Variants in MTMR3 observed in about 807,000 individuals in gnomAD.
MTMR3 encodes the protein myotubularin related protein 3, also known as phosphatidylinositol-3,5-bisphosphate 3-phosphatase MTMR3.
In MTMR3, 32 loss-of-function variants were observed where a neutral mutation model predicts 132.4. The ratio of observed to expected loss-of-function variants is 0.24; its 90% CI spans 0.18 to 0.32. The LOEUF is 0.32. Ranked by LOEUF, MTMR3 falls within the 10% of genes least tolerant of loss-of-function variation. The pLI is 1.00. For missense variants in MTMR3, 1,216 were observed against 1,489.6 expected, an observed-to-expected ratio of 0.82 and a Z score of 3.02; for synonymous variants, 556 against 550.3, an observed-to-expected ratio of 1.01 and a Z score of -0.14.
At chr22:30,008,303 C>T (rs1328917242) in intron 11 of MTMR3, 3 of 319,126 alleles carry the variant, frequency 9.4e-6, no homozygotes, top group African/African-American at 6.5e-5. Flanking sequence ...CATAATAAGA[C>T]CTGTTCATGT....
rs889419824 is a variant in MTMR3, at chr22:29,930,313, A to C, written c.-137-26723A>C. On this transcript the variant is annotated intron_variant, in intron 1 of 19. Coordinates refer to ENST00000401950, the MANE Select transcript of MTMR3 (RefSeq NM_021090.4). The stretch of plus-strand genomic sequence containing the variant: ...TCAGTGAACCACTGATCATATCTCC[A>C]TCACTATAGGTTAGTTTTGCCTCTT... 2.0e-5 allele frequency among the ~76,000 whole-genome samples: 3 copies of C among 152,166 alleles called. No individual in the cohort carries two copies. The East Asian group carries it at 5.8e-4, about 29-fold the overall frequency.
At chr22:29,903,518 G>T (rs2065040280) in intron 1 of MTMR3, among the ~76,000 whole-genome samples, 1 of 151,002 alleles carries the variant, frequency 6.6e-6, no homozygotes, top group Non-Finnish European at 1.5e-5. Context: ...CCTCCCGGGT[G>T]CTGGGACTGT....
intron 6 of MTMR3, chr22:29,989,062 A>G (rs1307385301): frequency 6.6e-6 from 1 of 152,422 alleles, no homozygotes; most frequent in Non-Finnish European, 1.5e-5. Context: ...CCAGTCTACT[A>G]TACATGTTCC....
intron 1 of MTMR3, among the ~76,000 whole-genome samples, chr22:29,902,105 C>T (rs978209893): frequency 2.0e-5 from 3 of 151,980 alleles, no homozygotes; most frequent in African/African-American, 7.3e-5. Flanking sequence ...ATTAGAGAAC[C>T]TGAAAAAGCT....
chr22:30,024,659 C>T (rs2067861815), intron 19 of MTMR3: 3 of 152,228 alleles, frequency 2.0e-5, no homozygotes, highest in Admixed American at 2.0e-4. Flanking sequence ...AAGCTGCCCT[C>T]CCCCAGTCTT....
At chr22:29,931,689 A>G (rs1256033983) in intron 1 of MTMR3, among the ~76,000 whole-genome samples, 1 of 152,184 alleles carries the variant, frequency 6.6e-6, no homozygotes, top group African/African-American at 2.4e-5. Context: ...TTGGGATTAC[A>G]GGCATGAGCC....
intron 3 of MTMR3, 54 bp downstream of exon 3, chr22:29,971,116 CAATT>C: frequency 1.9e-6 from 3 of 1,544,934 alleles, no homozygotes; most frequent in Non-Finnish European, 2.6e-6. Flanking sequence ...TGTGTCCTGA[CAATT>C]AAGTGAACAC....
chr22:29,983,096 A>G (rs2066788237), intron 5 of MTMR3: 1 of 152,134 alleles, frequency 6.6e-6, no homozygotes, highest in South Asian at 2.1e-4. Context: ...TTTGAGTGTT[A>G]GATGCTCACC....
At chr22:29,923,343 A>G (rs2065456754) in intron 1 of MTMR3, among the ~76,000 whole-genome samples, 1 of 151,134 alleles carries the variant, frequency 6.6e-6, no homozygotes, top group Admixed American at 6.6e-5. Context: ...AAGTGCTGGG[A>G]TTACAGGTGT....
intron 1 of MTMR3, among the ~76,000 whole-genome samples, chr22:29,901,257 AAT>A (rs150965620): frequency 8.7e-5 from 13 of 150,272 alleles, no homozygotes; most frequent in East Asian, 1.9e-4. Flanking sequence ...TTTCTTTAAG[AAT>A]ATATATATAT....
chr22:29,966,593 A>G (rs1047176373), intron 2 of MTMR3, among the ~76,000 whole-genome samples: 3 of 152,098 alleles, frequency 2.0e-5, no homozygotes, highest in African/African-American at 4.8e-5. Context: ...CTCATCAACT[A>G]CTTCATTCTA....
chr22:29,945,329 C>T (rs2065931633), intron 1 of MTMR3, among the ~76,000 whole-genome samples: 2 of 152,114 alleles, frequency 1.3e-5, no homozygotes, highest in African/African-American at 4.8e-5. Context: ...ATTATAATGA[C>T]ATGTAGTAAG....
intron 8 of MTMR3, 57 bp downstream of exon 8, chr22:29,998,914 C>A: frequency 8.8e-7 from 1 of 1,138,908 alleles, no homozygotes; most frequent in South Asian, 1.5e-5. Flanking sequence ...GCAGAAACCG[C>A]AATTCTCATG....
intron 9 of MTMR3, chr22:30,004,125 G>A (rs962249259): frequency 9.9e-5 from 15 of 152,224 alleles, no homozygotes; most frequent in African/African-American, 2.2e-4. Context: ...AACTCATTAC[G>A]TTTTTAATCT....
intron 1 of MTMR3, among the ~76,000 whole-genome samples, chr22:29,943,553 T>C (rs1422465207): frequency 1.3e-5 from 2 of 152,100 alleles, no homozygotes. Context: ...TATAAGTTCA[T>C]AGAAATTTTA....
intron 5 of MTMR3, chr22:29,987,086 A>G (rs2066874450): frequency 5.9e-5 from 9 of 152,176 alleles, no homozygotes; most frequent in Admixed American, 5.9e-4. Context: ...TTACATTTGT[A>G]AGGGAATTTT....
intron 2 of MTMR3, among the ~76,000 whole-genome samples, chr22:29,967,079 C>G (rs1168905166): frequency 6.6e-6 from 1 of 151,882 alleles, no homozygotes; most frequent in African/African-American, 2.4e-5. Flanking sequence ...TCTTTAGGGA[C>G]CACAGTCTAG....
intron 15 of MTMR3, 194 bp from the exon 16 acceptor site, chr22:30,017,730 ATGT>A (rs2067631734): frequency 9.3e-6 from 5 of 538,638 alleles, no homozygotes; most frequent in Non-Finnish European, 1.3e-5. Flanking sequence ...TAGGTGAAAA[ATGT>A]TGGCTATATA....
chr22:29,897,202 G>C (rs1184131316), intron 1 of MTMR3, among the ~76,000 whole-genome samples: 1 of 151,358 alleles, frequency 6.6e-6, no homozygotes, highest in African/African-American at 2.4e-5. Flanking sequence ...TCAGCTTCCC[G>C]AGTAGCTGGG....
Sources: gnomAD v4.1 joint callset for allele counts (sites outside exome capture counted in the v4.1 genomes callset) on GRCh38, gnomAD v4.1.1 for gene constraint, MANE v1.5 for transcripts, NCBI Gene and HGNC (gene_info 2026-07-23, HGNC 2026-07-21) for gene names.